Variants in RBM6 observed in about 807,000 individuals in gnomAD.
RBM6 encodes the protein RNA-binding protein 6.
RBM6 carries 23 observed loss-of-function variants against 140.4 expected under a neutral mutation model. The observed-to-expected ratio is 0.16, with a 90% confidence interval of 0.12 to 0.23. The LOEUF (loss-of-function observed/expected upper bound fraction) is 0.23, where lower values mean the gene tolerates loss of function less well. Ranked by LOEUF, RBM6 falls within the 10% of genes least tolerant of loss-of-function variation. The pLI, the probability that RBM6 is intolerant of heterozygous loss-of-function variation, is 1.00. For synonymous variants in RBM6, 439 were observed against 475.6 expected (o/e 0.92, Z 1.00); for missense variants, 1,139 against 1,386.7 (o/e 0.82, Z 2.84).
At chr3:50,007,969 A>T (rs969737843) in intron 6 of RBM6, among the ~76,000 whole-genome samples, 1 of 152,136 alleles carries the variant, frequency 6.6e-6, no homozygotes, top group Non-Finnish European at 1.5e-5. Flanking sequence ...GGTGGTGCAC[A>T]CCTGTAGTCC....
intron 5 of RBM6, among the ~76,000 whole-genome samples, chr3:49,986,538 T>A (rs1188730034): frequency 6.8e-6 from 1 of 147,552 alleles, no homozygotes; most frequent in African/African-American, 2.5e-5. Flanking sequence ...GAGCTTGCAG[T>A]GAGCCGAGAT....
intron 1 of RBM6, among the ~76,000 whole-genome samples, chr3:49,958,604 A>G (rs913937299): frequency 7.0e-6 from 1 of 142,928 alleles, no homozygotes; most frequent in Admixed American, 7.0e-5. Context: ...CACAAAAATT[A>G]GCCGGGCGTG....
At chr3:50,008,968 A>G (rs1241709444) in intron 6 of RBM6, among the ~76,000 whole-genome samples, 1 of 152,238 alleles carries the variant, frequency 6.6e-6, no homozygotes, top group Non-Finnish European at 1.5e-5. Flanking sequence ...AGTGATCAGC[A>G]TGATAACTGG....
chr3:49,954,349 A>G (rs899766304), intron 1 of RBM6, among the ~76,000 whole-genome samples: 1 of 151,726 alleles, frequency 6.6e-6, no homozygotes, highest in African/African-American at 2.4e-5. Flanking sequence ...CTGAGGCAGA[A>G]GAATTGCTTG....
In RBM6 at chr3:50,062,074, A is replaced by C; in HGVS notation, c.2552A>C (p.Asp851Ala). 1 of 1,613,878 alleles carries C rather than the reference A, an allele frequency of 6.2e-7. No individual in the cohort carries two copies. The highest frequency in any genetic ancestry group is 2.2e-5 in the East Asian group (1 of 44,884). The change falls in exon 15 of 21, where the codon GAT becomes GCT. Residue 851 changes from aspartate to alanine, a missense_variant. Transcript: ENST00000266022. Reference protein sequence around the residue: ...SSSKKEMSKRDGKEKKDRGVT... With the variant: ...SSSKKEMSKRAGKEKKDRGVT... ...AGCAAGAAGGAAATGTCTAAAAGAG[A>C]TGGCAAGGAGAAAAAAGACAGAGGA...
intron 6 of RBM6, among the ~76,000 whole-genome samples, chr3:50,008,835 G>GC (rs1414613002): frequency 1.3e-5 from 2 of 152,164 alleles, no homozygotes; most frequent in Non-Finnish European, 2.9e-5. Flanking sequence ...ATAGGCGTGA[G>GC]CCACCGTGCC....
At chr3:49,985,219 C>A (rs1489855140) in intron 5 of RBM6, among the ~76,000 whole-genome samples, 1 of 152,188 alleles carries the variant, frequency 6.6e-6, no homozygotes, top group Non-Finnish European at 1.5e-5. Flanking sequence ...TTGTATAGTG[C>A]AAGGGCTGCT....
intron 6 of RBM6, among the ~76,000 whole-genome samples, chr3:50,042,126 CT>C (rs1186045690): frequency 6.6e-6 from 1 of 152,178 alleles, no homozygotes; most frequent in Non-Finnish European, 1.5e-5. Context: ...GATACTATCT[CT>C]GATAAACAGT....
rs2084573568 is a variant in RBM6, at chr3:49,967,807, A to G, written c.382A>G (p.Arg128Gly). 1 of 1,614,162 alleles carries G rather than the reference A, an allele frequency of 6.2e-7. No homozygotes were observed. The highest frequency in any genetic ancestry group is 1.3e-5 in the African/African-American group (1 of 75,022). ...RDIHSGDFRD[R>G]EGPPMDYRGG... ...CATACATTCTGGGGATTTTCGGGAT[A>G]GAGAAGGACCACCTATGGACTATAG... The change falls in exon 3 of 21, where the codon AGA becomes GGA. Residue 128 changes from arginine to glycine, a missense_variant. By Grantham distance (125) the Arg-to-Gly change is moderately radical (BLOSUM62 -2). Coordinates refer to ENST00000266022, the MANE Select transcript of RBM6 (RefSeq NM_005777.3). The surrounding 1 kb of genome is among the most constrained non-coding windows in gnomAD (Gnocchi z 4.0).
chr3:49,978,651 T>C (rs2085166103), intron 5 of RBM6, among the ~76,000 whole-genome samples: 1 of 152,198 alleles, frequency 6.6e-6, no homozygotes, highest in Admixed American at 6.5e-5. Context: ...CAGGGGAATG[T>C]GTACTCAGAC....
intron 5 of RBM6, among the ~76,000 whole-genome samples, chr3:49,983,252 C>T (rs966543076): frequency 2.0e-5 from 3 of 152,146 alleles, no homozygotes; most frequent in African/African-American, 4.8e-5. Context: ...AACTTCCTTA[C>T]GAAGAAAATT....
intron 6 of RBM6, among the ~76,000 whole-genome samples, chr3:50,044,077 C>T (rs960968510): frequency 6.0e-5 from 9 of 151,038 alleles, no homozygotes. Context: ...GACAGGGTTT[C>T]ACTGTGTTGC....
At chr3:50,026,381 C>G (rs1043247534) in intron 6 of RBM6, among the ~76,000 whole-genome samples, 23 of 146,120 alleles carry the variant, frequency 1.6e-4, no homozygotes, top group African/African-American at 5.1e-4. Flanking sequence ...CTGTGCCCGG[C>G]CCTTTTTTTT....
chr3:50,066,526 C>A (rs781575733), intron 17 of RBM6, 24 bp downstream of exon 17: 1 of 1,600,980 alleles, frequency 6.2e-7, no homozygotes, highest in South Asian at 1.1e-5. Flanking sequence ...GAGCTATGCC[C>A]TTTCAAACTG....
chr3:49,969,053 C>T (rs1340474716), intron 3 of RBM6, among the ~76,000 whole-genome samples: 1 of 149,908 alleles, frequency 6.7e-6, no homozygotes, highest in African/African-American at 2.5e-5. Flanking sequence ...GAAACGGAGT[C>T]TTGCTCTGTC....
intron 6 of RBM6, among the ~76,000 whole-genome samples, chr3:50,038,606 C>G (rs1484104756): frequency 1.3e-5 from 2 of 152,004 alleles, no homozygotes; most frequent in Non-Finnish European, 2.9e-5. Flanking sequence ...CCGAGGCGGG[C>G]GGATCATGAG....
chr3:50,060,032 C>T (rs1489216609), intron 11 of RBM6, among the ~76,000 whole-genome samples: 2 of 152,162 alleles, frequency 1.3e-5, no homozygotes, highest in East Asian at 3.9e-4. Context: ...TTCCAAGCTA[C>T]TAAAGAGGCT....
chr3:50,005,080 G>A (rs2086512120), intron 6 of RBM6, among the ~76,000 whole-genome samples: 1 of 152,130 alleles, frequency 6.6e-6, no homozygotes, highest in Non-Finnish European at 1.5e-5. Flanking sequence ...ATGAAATAGT[G>A]TTTTTTTGTG....
intron 3 of RBM6, among the ~76,000 whole-genome samples, chr3:49,971,455 A>AG (rs1169611962): frequency 1.3e-5 from 2 of 151,320 alleles, no homozygotes; most frequent in African/African-American, 2.4e-5. Context: ...AAAAAAAAAA[A>AG]GACATTATCT....
Sources: gnomAD v4.1 joint callset for allele counts (sites outside exome capture counted in the v4.1 genomes callset) on GRCh38, gnomAD v4.1.1 for gene constraint, Gnocchi (gnomAD v3.1) non-coding constraint, MANE v1.5 for transcripts, NCBI Gene and HGNC (gene_info 2026-07-23, HGNC 2026-07-21) for gene names.